The following LRRC4C variants were observed in gnomAD, a reference collection of about 807,000 sequenced individuals.
LRRC4C encodes the protein leucine rich repeat containing 4C.
A neutral mutation model predicts 33.6 loss-of-function variants in LRRC4C; 5 were observed. The observed-to-expected ratio is 0.15, with a 90% confidence interval of 0.08 to 0.31. The LOEUF (loss-of-function observed/expected upper bound fraction) is 0.31. LRRC4C is among the 10% of genes least tolerant of loss of function. The probability of loss-of-function intolerance (pLI) is 1.00; values close to 1 mark genes in which losing one functional copy is unlikely to be tolerated. For synonymous variants in LRRC4C, 329 were observed against 302.0 expected, an observed-to-expected ratio of 1.09 and a Z score of -0.93; for missense variants, 560 against 796.7, an observed-to-expected ratio of 0.70 and a Z score of 3.58.
At chr11:40,339,503 A>C (rs535129754) in intron 3 of LRRC4C, among the ~76,000 whole-genome samples, 10 of 152,340 alleles carry the variant, frequency 6.6e-5, no homozygotes, top group Admixed American at 6.5e-4. Flanking sequence ...CTGGGAAAGC[A>C]GGTATATTTA....
intron 5 of LRRC4C, among the ~76,000 whole-genome samples, chr11:40,170,406 C>G (rs555490637): frequency 6.6e-6 from 1 of 152,202 alleles, no homozygotes; most frequent in East Asian, 1.9e-4. Flanking sequence ...TATTTTAAAT[C>G]AAGGCCTCCA....
At position 40,959,763 on chromosome 11, in the gene LRRC4C, G is replaced by T. The variant is rs114200076; in HGVS notation, c.-495-26040C>A. Among the ~76,000 whole-genome samples the T allele has an allele frequency of 6.4e-3, 968 of 151,740 alleles. 10 individuals carry two copies. Among genetic ancestry groups the T allele is most frequent in the African/African-American group, 0.021 (891 of 41,460 alleles). On this transcript the variant is annotated intron_variant, in intron 1 of 6. Coordinates refer to ENST00000528697, the MANE Select transcript of LRRC4C (RefSeq NM_001258419.2). ...AAAAGTGTGTCATGTTCAATCAAAT[G>T]CTGAGAAGGTTTAAGCACATTTGCT...
At chr11:40,274,424 TACACACACACACACACACACAC>T (rs56027023) in intron 4 of LRRC4C, among the ~76,000 whole-genome samples, 2 of 138,970 alleles carry the variant, frequency 1.4e-5, no homozygotes, top group Non-Finnish European at 3.1e-5. Flanking sequence ...GACACACACA[TACACACACACACACACACACAC>T]ACACACACAC....
intron 1 of LRRC4C, among the ~76,000 whole-genome samples, chr11:41,035,449 C>T (rs1256087745): frequency 1.3e-5 from 2 of 152,034 alleles, no homozygotes; most frequent in Non-Finnish European, 1.5e-5. Flanking sequence ...TCTCATTGTT[C>T]AACTCCCACT....
intron 2 of LRRC4C, among the ~76,000 whole-genome samples, chr11:40,925,505 G>T (rs181171621): frequency 4.6e-5 from 7 of 152,242 alleles, no homozygotes; most frequent in Non-Finnish European, 8.8e-5. Context: ...CAACTGTCAC[G>T]CAGCACATAT....
rs78646330 is a variant in LRRC4C, at chr11:41,004,429, C to T, written c.-495-70706G>A. On this transcript the variant is annotated intron_variant, in intron 1 of 6. Coordinates refer to ENST00000528697, the MANE Select transcript of LRRC4C (RefSeq NM_001258419.2). ...CCTCTGCCCTGTCACACCACCATGC[C>T]AGAGATACATGAGAAAGGGTTAAAA... Among the ~76,000 whole-genome samples the T allele has an allele frequency of 2.2e-3, 335 of 152,166 alleles. 1 individual carries two copies. The highest frequency in any genetic ancestry group is 8.0e-3 in the African/African-American group (331 of 41,522).
At chr11:40,692,369 G>C (rs114285249) in intron 2 of LRRC4C, among the ~76,000 whole-genome samples, 1 of 151,858 alleles carries the variant, frequency 6.6e-6, no homozygotes, top group African/African-American at 2.4e-5. Flanking sequence ...ACTTTCCACC[G>C]GTTCTTTCAA....
At chr11:41,207,134 G>T (rs1012119037) in intron 1 of LRRC4C, among the ~76,000 whole-genome samples, 6 of 152,018 alleles carry the variant, frequency 3.9e-5, no homozygotes, top group Non-Finnish European at 8.8e-5. Flanking sequence ...ATGCATTATT[G>T]TTTCAGTCAA....
intron 3 of LRRC4C, among the ~76,000 whole-genome samples, chr11:40,576,474 G>A (rs546371654): frequency 1.3e-5 from 2 of 152,280 alleles, no homozygotes; most frequent in African/African-American, 4.8e-5. Context: ...AGACAAATCT[G>A]GAAGAGTGCT....
At chr11:40,587,034 G>A (rs1958789773) in intron 3 of LRRC4C, among the ~76,000 whole-genome samples, 1 of 151,586 alleles carries the variant, frequency 6.6e-6, no homozygotes, top group South Asian at 2.1e-4. Context: ...AGCTTGATGG[G>A]GATGGCACTG....
At chr11:40,734,132 G>A (rs1249472501) in intron 2 of LRRC4C, among the ~76,000 whole-genome samples, 1 of 152,028 alleles carries the variant, frequency 6.6e-6, no homozygotes, top group African/African-American at 2.4e-5. Flanking sequence ...TCAGATAATT[G>A]TTTAAGATAT....
intron 1 of LRRC4C, among the ~76,000 whole-genome samples, chr11:41,196,575 A>C (rs1946187327): frequency 1.3e-5 from 2 of 152,110 alleles, no homozygotes; most frequent in Non-Finnish European, 2.9e-5. Context: ...TACTTATGAA[A>C]GATATTAATT....
intron 1 of LRRC4C, among the ~76,000 whole-genome samples, chr11:40,940,484 T>G (rs558045526): frequency 7.9e-5 from 12 of 152,280 alleles, no homozygotes; most frequent in African/African-American, 2.9e-4. Flanking sequence ...CCTATGTTCT[T>G]AGATAAGATC....
chr11:40,880,830 A>T (rs1485610861), intron 2 of LRRC4C, among the ~76,000 whole-genome samples: 1 of 149,428 alleles, frequency 6.7e-6, no homozygotes, highest in Non-Finnish European at 1.5e-5. Flanking sequence ...TGATAATTTC[A>T]CTTAGACATG....
At chr11:40,802,353 A>G (rs905745955) in intron 2 of LRRC4C, among the ~76,000 whole-genome samples, 4 of 152,148 alleles carry the variant, frequency 2.6e-5, no homozygotes, top group African/African-American at 9.7e-5. Flanking sequence ...TTAAAAAAAA[A>G]CAAAACCAGT....
rs192829013 is a variant in LRRC4C, at chr11:41,342,198, A to T, written c.-496+117233T>A. Among the ~76,000 whole-genome samples, 314 of 152,328 alleles carry T rather than the reference A, an allele frequency of 2.1e-3. 1 individual carries two copies. The highest frequency in any genetic ancestry group is 7.1e-3 in the African/African-American group (295 of 41,580). On this transcript the variant is annotated intron_variant, in intron 1 of 6. Transcript: ENST00000528697. ...CCTAAAATATTAACAGTTATTACAC[A>T]ACTATACACTCTGCTGTTGTTTTCC...
At chr11:41,023,962 G>T (rs1856163235) in intron 1 of LRRC4C, among the ~76,000 whole-genome samples, 1 of 151,708 alleles carries the variant, frequency 6.6e-6, no homozygotes, top group Non-Finnish European at 1.5e-5. Context: ...CTGTTACTTT[G>T]TCAGGTGCTT....
intron 1 of LRRC4C, among the ~76,000 whole-genome samples, chr11:41,446,439 G>A (rs150517906): frequency 6.6e-6 from 1 of 152,144 alleles, no homozygotes; most frequent in Non-Finnish European, 1.5e-5. Flanking sequence ...GGCTGGGCTG[G>A]AAGGCCCAAG....
chr11:41,134,762 T>C (rs1943181127), intron 1 of LRRC4C, among the ~76,000 whole-genome samples: 2 of 152,150 alleles, frequency 1.3e-5, no homozygotes, highest in Admixed American at 1.3e-4. Context: ...GTCCAATGAC[T>C]TCATTTCAAA....
Sources: gnomAD v4.1 joint callset for allele counts (sites outside exome capture counted in the v4.1 genomes callset) on GRCh38, gnomAD v4.1.1 for gene constraint, MANE v1.5 for transcripts, NCBI Gene and HGNC (gene_info 2026-07-23, HGNC 2026-07-21) for gene names.